ADAM12: variants seen among roughly 807,000 people sequenced by gnomAD.
ADAM12 encodes the protein disintegrin and metalloproteinase domain-containing protein 12.
Under a neutral mutation model 106.4 loss-of-function variants are expected in ADAM12, and 70 were observed. The ratio of observed to expected loss-of-function variants is 0.66; its 90% CI spans 0.54 to 0.80. The LOEUF (loss-of-function observed/expected upper bound fraction) is 0.80, where lower values mean the gene tolerates loss of function less well. Ranked by LOEUF, ADAM12 falls within the 30% of genes least tolerant of loss-of-function variation. The pLI is 0.00. For missense variants in ADAM12, 1,010 were observed against 1,171.9 expected (o/e 0.86, Z 2.02); for synonymous variants, 420 against 433.5 (o/e 0.97, Z 0.39).
chr10:126,206,133 C>G (rs2133828061), intron 3 of ADAM12, among the ~76,000 whole-genome samples: 1 of 152,246 alleles, frequency 6.6e-6, no homozygotes, highest in Middle Eastern at 3.4e-3. Flanking sequence ...AACTAGACCA[C>G]AAAACCCTCT....
In ADAM12 at chr10:126,132,527, C is replaced by A. The variant is rs201129197; in HGVS notation, c.416+3057G>T. On this transcript the variant is annotated intron_variant, in intron 5 of 22. Coordinates refer to ENST00000448723, the MANE Select transcript of ADAM12 (RefSeq NM_001288973.2). ...ATCCCAGGAGTGCTGCATGAACACC[C>A]CCCCCCCCTCAACTAGTCCAGTCCC... Among the ~76,000 whole-genome samples, 172 of 119,630 alleles carry A rather than the reference C, an allele frequency of 1.4e-3. 1 individual carries two copies. The highest frequency in any genetic ancestry group is 5.3e-3 in the East Asian group (13 of 2,442). 78.5% of individuals were successfully genotyped at this position (119,630 alleles called of 152,430 possible). A position where few individuals can be genotyped will look rare whatever the true frequency, so the allele number is the denominator to read the frequency against.
intron 2 of ADAM12, among the ~76,000 whole-genome samples, chr10:126,321,827 G>A (rs1854104393): frequency 6.8e-6 from 1 of 146,572 alleles, no homozygotes; most frequent in Non-Finnish European, 1.5e-5. Flanking sequence ...AGAGGAATAT[G>A]CAAAGAATAC....
At position 126,138,239 on chromosome 10, in the gene ADAM12, T is replaced by C. The variant is rs117439724; in HGVS notation, c.340-2579A>G. Among the ~76,000 whole-genome samples the C allele has an allele frequency of 1.3e-3, 194 of 152,338 alleles. 1 individual carries two copies. In the East Asian group the frequency reaches 0.022, roughly 17 times the overall value. Reference sequence around the variant, plus strand: ...ACTCAAATCCTTGCTTATTTGTAAATTGGATTTTGGTGTTTTTATTGTTGA... The same window carrying C: ...ACTCAAATCCTTGCTTATTTGTAAACTGGATTTTGGTGTTTTTATTGTTGA... On this transcript the variant is annotated intron_variant, in intron 4 of 22. Transcript: ENST00000448723.
intron 5 of ADAM12, among the ~76,000 whole-genome samples, chr10:126,131,041 C>T (rs1388435832): frequency 9.6e-5 from 14 of 145,596 alleles, no homozygotes; most frequent in Non-Finnish European, 2.1e-4. Context: ...TTGGGAATTT[C>T]TTCATAATTG....
intron 3 of ADAM12, among the ~76,000 whole-genome samples, chr10:126,174,705 C>T (rs1957185411): frequency 6.6e-6 from 1 of 151,868 alleles, no homozygotes. Context: ...ATTTCCACTG[C>T]TTTTATCTCC....
intron 4 of ADAM12, among the ~76,000 whole-genome samples, chr10:126,142,167 C>G (rs1956524786): frequency 6.6e-6 from 1 of 152,154 alleles, no homozygotes; most frequent in Non-Finnish European, 1.5e-5. Context: ...CCGAGACCAG[C>G]TCGGTCAGGG....
At chr10:126,294,669 C>T (rs1369679502) in intron 2 of ADAM12, among the ~76,000 whole-genome samples, 2 of 152,076 alleles carry the variant, frequency 1.3e-5, no homozygotes, top group Non-Finnish European at 2.9e-5. Context: ...GTCAAGACAG[C>T]TAACAGACGT....
intron 3 of ADAM12, among the ~76,000 whole-genome samples, chr10:126,263,141 A>G (rs4492726): frequency 0.21 from 32,400 of 152,130 alleles, 3,783 homozygotes; most frequent in East Asian, 0.42. Context: ...TGAATGCCAC[A>G]TGCCCTGCAT....
chr10:126,244,939 A>G (rs2133663720), intron 3 of ADAM12, among the ~76,000 whole-genome samples: 1 of 152,338 alleles, frequency 6.6e-6, no homozygotes, highest in Admixed American at 6.5e-5. Flanking sequence ...AGAGAACAGG[A>G]GAAGCCAAGA....
Position 126,094,085 on chromosome 10 carries a change from G to T in ADAM12, c.1045C>A (p.Leu349Met), listed in dbSNP as rs1255544143. The change falls in exon 11 of 23, where the codon CTG (leucine) becomes ATG (methionine). Residue 349 changes from leucine (L) to methionine (M), a missense_variant. Physicochemically the swap from Leu to Met is conservative, Grantham distance 15. Coordinates refer to ENST00000448723, the MANE Select transcript of ADAM12 (RefSeq NM_001288973.2). ...LGAAVTLAHE[L>M]GHNFGMNHDT... is the part of the protein sequence containing the mutation. ...TGATTCATCCCGAAATTGTGGCCCA[G>T]CTCATGTGCCAGGGTCACGGCTGCA... 6.2e-7 allele frequency: 1 copy of T among 1,614,034 alleles called. No individual in the cohort carries two copies.
intron 1 of ADAM12, among the ~76,000 whole-genome samples, chr10:126,349,896 C>G (rs185907885): frequency 2.2e-4 from 33 of 152,296 alleles, no homozygotes; most frequent in Non-Finnish European, 3.7e-4. Flanking sequence ...CTGGCTTGCT[C>G]TTCAGGTATG....
chr10:126,384,680 T>C (rs1005991780), intron 1 of ADAM12, among the ~76,000 whole-genome samples: 7 of 152,026 alleles, frequency 4.6e-5, no homozygotes, highest in Admixed American at 3.9e-4. Flanking sequence ...GGAAGTAAAA[T>C]AGAGGTTGCG....
intron 14 of ADAM12, among the ~76,000 whole-genome samples, chr10:126,061,898 T>C (rs935172702): frequency 6.6e-6 from 1 of 152,076 alleles, no homozygotes; most frequent in African/African-American, 2.4e-5. Context: ...ACAGTAGCCA[T>C]GGGAAACTCA....
At chr10:126,027,739 A>G (rs112215286) in intron 21 of ADAM12, among the ~76,000 whole-genome samples, 31 of 152,276 alleles carry the variant, frequency 2.0e-4, no homozygotes, top group African/African-American at 6.5e-4. Context: ...TCTATGACAA[A>G]CCCACAGCTA....
intron 1 of ADAM12, among the ~76,000 whole-genome samples, chr10:126,379,634 G>A (rs2133933310): frequency 6.6e-6 from 1 of 152,166 alleles, no homozygotes; most frequent in Admixed American, 6.5e-5. Flanking sequence ...CATGGCACCT[G>A]TATACCTATG....
intron 1 of ADAM12, among the ~76,000 whole-genome samples, chr10:126,368,432 G>T (rs1285113847): frequency 6.7e-6 from 1 of 149,938 alleles, no homozygotes; most frequent in Non-Finnish European, 1.5e-5. Context: ...AACAAATAGG[G>T]TACAACTTTA....
chr10:126,305,007 A>T (rs1466704496), intron 2 of ADAM12, among the ~76,000 whole-genome samples: 5 of 152,094 alleles, frequency 3.3e-5, no homozygotes, highest in Non-Finnish European at 7.4e-5. Flanking sequence ...TAGAAACAAT[A>T]GAACACATAT....
At chr10:126,372,767 C>T (rs1856153837) in intron 1 of ADAM12, among the ~76,000 whole-genome samples, 3 of 152,346 alleles carry the variant, frequency 2.0e-5, no homozygotes, top group African/African-American at 4.8e-5. Context: ...TTTGAAATTG[C>T]TTTCTCACTG....
intron 3 of ADAM12, among the ~76,000 whole-genome samples, chr10:126,198,174 G>A (rs1327185732): frequency 6.6e-6 from 1 of 152,226 alleles, no homozygotes; most frequent in Non-Finnish European, 1.5e-5. Context: ...AAAGCCCCCT[G>A]TGGGAGGTGC....
Sources: gnomAD v4.1 joint callset for allele counts (sites outside exome capture counted in the v4.1 genomes callset) on GRCh38, gnomAD v4.1.1 for gene constraint, MANE v1.5 for transcripts, NCBI Gene and HGNC (gene_info 2026-07-23, HGNC 2026-07-21) for gene names.